The following PRDM16 variants were observed in gnomAD, a reference collection of about 807,000 sequenced individuals.
PRDM16 encodes the protein PR/SET domain 16, also known as histone-lysine N-methyltransferase PRDM16.
A neutral mutation model predicts 110.6 loss-of-function variants in PRDM16; 23 were observed. The ratio of observed to expected loss-of-function variants is 0.21; its 90% CI spans 0.15 to 0.29. The LOEUF (loss-of-function observed/expected upper bound fraction) is 0.29, where lower values mean the gene tolerates loss of function less well. Among genes scored for constraint, PRDM16 ranks in the 10% least tolerant of loss-of-function variants. The probability of loss-of-function intolerance (pLI) is 1.00; values close to 1 mark genes in which losing one functional copy is unlikely to be tolerated. For synonymous variants in PRDM16, 799 were observed against 781.8 expected (o/e 1.02, Z -0.37); for missense variants, 1,615 against 1,794.3 (o/e 0.90, Z 1.81).
Position 3,157,128 on chromosome 1 carries a change from C to T in PRDM16, c.38-28997C>T, listed in dbSNP as rs1643865186. Among the ~76,000 whole-genome samples, 1 of 152,188 alleles carries T rather than the reference C, an allele frequency of 6.6e-6. No homozygotes were observed. Among genetic ancestry groups the T allele is most frequent in the African/African-American group, 2.4e-5 (1 of 41,462 alleles). On this transcript the variant is annotated intron_variant, in intron 1 of 16. Coordinates refer to ENST00000270722, the MANE Select transcript of PRDM16 (RefSeq NM_022114.4). This position sits in a 1 kb window ranked among gnomAD's most constrained non-coding sequence, Gnocchi z 4.8. ...GTGGTCCCAGGGCAGGGAGTGTTAG[C>T]ACCTGCCGGGCTCAGCCTGGGCGGC...
chr1:3,262,874 G>C (rs1028166335), intron 3 of PRDM16, among the ~76,000 whole-genome samples: 1 of 152,182 alleles, frequency 6.6e-6, no homozygotes, highest in Non-Finnish European at 1.5e-5. Context: ...CGCGCATGGG[G>C]TCCCAGGGAG....
At chr1:3,073,287 C>T (rs1356241743) in intron 1 of PRDM16, among the ~76,000 whole-genome samples, 1 of 152,218 alleles carries the variant, frequency 6.6e-6, no homozygotes, top group Non-Finnish European at 1.5e-5. Context: ...GCCCGATTAG[C>T]CCCCTGTTTT....
Position 3,222,965 on chromosome 1 carries a change from G to A in PRDM16, c.388-21122G>A, listed in dbSNP as rs190544454. On this transcript the variant is annotated intron_variant, in intron 2 of 16. Transcript: ENST00000270722. ...GACCAGGTTGAGGGGCATTTGGATC[G>A]GTCAAGACATCCCCAGCTCCAGAGA... Among the ~76,000 whole-genome samples the A allele has an allele frequency of 3.3e-5, 5 of 152,190 alleles. No individual in the cohort carries two copies. In the East Asian group the frequency reaches 7.7e-4, roughly 24 times the overall value.
At chr1:3,186,747 C>T (rs1398540382) in intron 2 of PRDM16, among the ~76,000 whole-genome samples, 1 of 152,188 alleles carries the variant, frequency 6.6e-6, no homozygotes, top group African/African-American at 2.4e-5. Flanking sequence ...TAAAACATCC[C>T]GTGCTTCCCG....
chr1:3,257,722 T>C (rs950646648), intron 3 of PRDM16, among the ~76,000 whole-genome samples: 1 of 152,192 alleles, frequency 6.6e-6, no homozygotes, highest in Non-Finnish European at 1.5e-5. Flanking sequence ...TGCCTTGGGG[T>C]CTTGCAGGCT....
At chr1:3,117,657 C>T (rs945369869) in intron 1 of PRDM16, among the ~76,000 whole-genome samples, 1 of 152,130 alleles carries the variant, frequency 6.6e-6, no homozygotes. Flanking sequence ...CCAGGCCCTA[C>T]TTCTGGAGGG....
intron 3 of PRDM16, among the ~76,000 whole-genome samples, chr1:3,271,806 G>T (rs1484335924): frequency 6.6e-6 from 1 of 152,196 alleles, no homozygotes; most frequent in Admixed American, 6.5e-5. Context: ...AGCACGGAAA[G>T]CAGCAGCAGG....
In PRDM16 at chr1:3,414,714, C is replaced by T. The variant is rs564834010; in HGVS notation, c.2691+67C>T. ...GCCAGTGGCCCCATCTCCCGGCTGTCGAGGCTCAGTGGCCAGGCTGGAGCC... is the reference window on the plus strand; with the variant it reads ...GCCAGTGGCCCCATCTCCCGGCTGTTGAGGCTCAGTGGCCAGGCTGGAGCC... On this transcript the variant is annotated intron_variant, in intron 10 of 16. Coordinates refer to ENST00000270722, the MANE Select transcript of PRDM16 (RefSeq NM_022114.4). 117 of 1,294,402 alleles carry T rather than the reference C, an allele frequency of 9.0e-5. 1 individual carries two copies. Among genetic ancestry groups the T allele is most frequent in the African/African-American group, 1.2e-4 (8 of 68,806 alleles). The allele number at this position is 1,294,402 out of a possible 1,614,324, so 80.2% of individuals were successfully genotyped here.
intron 1 of PRDM16, among the ~76,000 whole-genome samples, chr1:3,118,136 C>T (rs1643009647): frequency 6.6e-6 from 1 of 151,340 alleles, no homozygotes; most frequent in African/African-American, 2.4e-5. Flanking sequence ...TGCGTGTGTA[C>T]ATGCATGTGT....
rs368240584 is a variant in PRDM16, at chr1:3,343,504, C to CTT, written c.439-41638_439-41637dup. On this transcript the variant is annotated intron_variant, in intron 3 of 16. Transcript: ENST00000270722. ...CTTTGGGTTTAGTGCTTTGTTCAGACTTTTTTTTTTTAATTTTTGCTTTAC... is the reference window on the plus strand; with the variant it reads ...CTTTGGGTTTAGTGCTTTGTTCAGACTTTTTTTTTTTTTAATTTTTGCTTTAC... Among the ~76,000 whole-genome samples, 552 of 146,910 alleles carry CTT rather than the reference C, an allele frequency of 3.8e-3. 4 individuals are homozygous for CTT. The highest frequency in any genetic ancestry group is 0.012 in the African/African-American group (477 of 39,992).
intron 2 of PRDM16, among the ~76,000 whole-genome samples, chr1:3,223,353 T>C (rs1250108374): frequency 6.6e-6 from 1 of 152,058 alleles, no homozygotes; most frequent in African/African-American, 2.4e-5. Flanking sequence ...CCTGTTATCG[T>C]TTGGCTGCTA....
At position 3,190,081 on chromosome 1, in the gene PRDM16, G is replaced by A. The variant is rs958661696; in HGVS notation, c.387+3607G>A. On this transcript the variant is annotated intron_variant, in intron 2 of 16. Transcript: ENST00000270722. This position sits in a 1 kb window ranked among gnomAD's most constrained non-coding sequence, Gnocchi z 5.0. ...GCTCTTCTCTCCCTGACATGGGGCC[G>A]ATGTAGATGACAGCATGACTCCCTG... is the stretch of plus-strand genomic sequence containing the variant. Among the ~76,000 whole-genome samples the A allele has an allele frequency of 7.2e-5, 11 of 152,248 alleles. No individual in the cohort carries two copies. The highest frequency in any genetic ancestry group is 1.9e-4 in the East Asian group (1 of 5,152).
intron 2 of PRDM16, among the ~76,000 whole-genome samples, chr1:3,237,160 C>T (rs1374243271): frequency 6.6e-6 from 1 of 152,116 alleles, no homozygotes; most frequent in East Asian, 1.9e-4. Flanking sequence ...ACCCCATGCC[C>T]CCATCGTCTG....
rs1638950919 is a variant in PRDM16 at position 3,437,893 on chromosome 1, G to A, written c.*4082G>A. On this transcript the variant is annotated 3_prime_UTR_variant, in exon 17 of 17. Transcript: ENST00000270722. Reference sequence around the variant, plus strand: ...TCGGCACGAGGGATGCTGAGCCCTGGTGTCAGAGTCGTAATTTAAAGCGTG... The same window carrying A: ...TCGGCACGAGGGATGCTGAGCCCTGATGTCAGAGTCGTAATTTAAAGCGTG... 1 of 220,294 alleles carries A rather than the reference G, an allele frequency of 4.5e-6. No homozygotes were observed. Among genetic ancestry groups the A allele is most frequent in the Non-Finnish European group, 9.1e-6 (1 of 109,900 alleles). The allele number at this position is 220,294 out of a possible 1,614,324, so 13.6% of individuals were successfully genotyped here.
intron 1 of PRDM16, chr1:3,133,351 G>A (rs1643373036): frequency 6.6e-6 from 1 of 152,330 alleles, no homozygotes. Context: ...GGGCCTGGGG[G>A]AGGTTCCTGT....
intron 1 of PRDM16, among the ~76,000 whole-genome samples, chr1:3,123,719 T>C (rs1011257833): frequency 7.9e-5 from 12 of 152,212 alleles, no homozygotes; most frequent in Non-Finnish European, 2.9e-5. Flanking sequence ...CATCTTTTTC[T>C]TCTCATTTGC....
At chr1:3,410,724 C>T (rs1165702124) in intron 8 of PRDM16, among the ~76,000 whole-genome samples, 2 of 152,146 alleles carry the variant, frequency 1.3e-5, no homozygotes, top group African/African-American at 4.8e-5. Flanking sequence ...GCGTCCTGCC[C>T]CCACCCCTGC....
chr1:3,362,559 T>C (rs1451064800), intron 3 of PRDM16, among the ~76,000 whole-genome samples: 1 of 151,844 alleles, frequency 6.6e-6, no homozygotes. Context: ...TGGGAACCAG[T>C]GGAAGACGGA....
At position 3,333,416 on chromosome 1, in the gene PRDM16, G is replaced by T. The variant is rs139978418; in HGVS notation, c.439-51736G>T. ...CCTGGCTGCAGGATCTCAGAATCTT[G>T]GGGCTGCATCTGACCCTAGGAGTCT... is the stretch of plus-strand genomic sequence containing the variant. On this transcript the variant is annotated intron_variant, in intron 3 of 16. Transcript: ENST00000270722. 5.6e-4 allele frequency among the ~76,000 whole-genome samples: 86 copies of T among 152,270 alleles called. 1 individual carries two copies. The highest frequency in any genetic ancestry group is 2.0e-3 in the African/African-American group (85 of 41,556).
Sources: gnomAD v4.1 joint callset for allele counts (sites outside exome capture counted in the v4.1 genomes callset) on GRCh38, gnomAD v4.1.1 for gene constraint, Gnocchi (gnomAD v3.1) non-coding constraint, MANE v1.5 for transcripts, NCBI Gene and HGNC (gene_info 2026-07-23, HGNC 2026-07-21) for gene names.